KCNH5: variants seen among roughly 807,000 people sequenced by gnomAD.
The protein encoded by KCNH5 is voltage-gated delayed rectifier potassium channel KCNH5.
Under a neutral mutation model 96.1 loss-of-function variants are expected in KCNH5, and 46 were observed. The ratio of observed to expected loss-of-function variants is 0.48; its 90% CI spans 0.38 to 0.61. KCNH5 has a LOEUF of 0.61. KCNH5 is among the 20% of genes least tolerant of loss of function. The probability of loss-of-function intolerance (pLI) is 0.00; values close to 1 mark genes in which losing one functional copy is unlikely to be tolerated. For synonymous variants in KCNH5, 439 were observed against 449.8 expected (o/e 0.98, Z 0.30); for missense variants, 907 against 1,225.8 (o/e 0.74, Z 3.88).
At chr14:62,968,617 C>T (rs1264712664) in intron 6 of KCNH5, among the ~76,000 whole-genome samples, 1 of 152,176 alleles carries the variant, frequency 6.6e-6, no homozygotes, top group Non-Finnish European at 1.5e-5. Flanking sequence ...TAGAGCACAG[C>T]TAAGATTATG....
At chr14:62,786,491 T>C (rs557410519) in intron 9 of KCNH5, among the ~76,000 whole-genome samples, 1 of 152,198 alleles carries the variant, frequency 6.6e-6, no homozygotes, top group African/African-American at 2.4e-5. Flanking sequence ...GTGAAGCAAA[T>C]TAACATGTCT....
chr14:62,863,947 T>C (rs540293215), intron 7 of KCNH5, among the ~76,000 whole-genome samples: 1 of 152,304 alleles, frequency 6.6e-6, no homozygotes, highest in East Asian at 1.9e-4. Context: ...TTACCTCTTA[T>C]ACTCATGGCC....
At chr14:63,040,819 A>G (rs1891809644) in intron 1 of KCNH5, among the ~76,000 whole-genome samples, 1 of 152,064 alleles carries the variant, frequency 6.6e-6, no homozygotes, top group Non-Finnish European at 1.5e-5. Context: ...GAGATAGCTG[A>G]GTAAAAAAAG....
At chr14:62,882,977 T>G (rs572541075) in intron 7 of KCNH5, among the ~76,000 whole-genome samples, 1 of 152,364 alleles carries the variant, frequency 6.6e-6, no homozygotes, top group East Asian at 1.9e-4. Context: ...TCTGAAAGTT[T>G]TATCAATAGC....
At chr14:62,865,333 T>TAAAAAAAA (rs35939292) in intron 7 of KCNH5, among the ~76,000 whole-genome samples, 1 of 132,052 alleles carries the variant, frequency 7.6e-6, no homozygotes. Flanking sequence ...AAATGCTATT[T>TAAAAAAAA]AAAAAAAAAA....
chr14:62,944,325 T>C (rs948214449), intron 7 of KCNH5, among the ~76,000 whole-genome samples: 1 of 152,186 alleles, frequency 6.6e-6, no homozygotes, highest in African/African-American at 2.4e-5. Flanking sequence ...ATATAGGCAG[T>C]TGGTGTCTCC....
intron 10 of KCNH5, among the ~76,000 whole-genome samples, chr14:62,747,249 C>T (rs1025191789): frequency 1.1e-4 from 17 of 151,988 alleles, no homozygotes; most frequent in Admixed American, 8.5e-4. Flanking sequence ...GCAGAAGAAT[C>T]GCTTGAATTC....
chr14:62,746,912 T>C (rs1885387910), intron 10 of KCNH5, among the ~76,000 whole-genome samples: 2 of 152,212 alleles, frequency 1.3e-5, no homozygotes, highest in African/African-American at 4.8e-5. Context: ...TTGAAGCAAA[T>C]AGTGTTTTTA....
chr14:62,837,653 C>T (rs1483053817), intron 8 of KCNH5, among the ~76,000 whole-genome samples: 2 of 152,114 alleles, frequency 1.3e-5, no homozygotes, highest in African/African-American at 2.4e-5. Flanking sequence ...GTTTTGTTTG[C>T]TTCCCTGTTA....
intron 6 of KCNH5, among the ~76,000 whole-genome samples, chr14:62,961,172 T>A (rs955075314): frequency 6.6e-6 from 1 of 152,154 alleles, no homozygotes; most frequent in Non-Finnish European, 1.5e-5. Flanking sequence ...CAATAATTTC[T>A]TGCTGCCTTT....
At chr14:62,980,624 T>C (rs960280801) in intron 6 of KCNH5, among the ~76,000 whole-genome samples, 2 of 152,226 alleles carry the variant, frequency 1.3e-5, no homozygotes, top group African/African-American at 4.8e-5. Context: ...GCCGCTTTTC[T>C]TCTCCTCCAC....
At chr14:62,776,612 C>T (rs537721010) in intron 10 of KCNH5, among the ~76,000 whole-genome samples, 1 of 152,228 alleles carries the variant, frequency 6.6e-6, no homozygotes, top group East Asian at 1.9e-4. Flanking sequence ...TGAGATTGGC[C>T]CACAAATCCA....
At chr14:62,841,929 G>A (rs578248629) in intron 8 of KCNH5, among the ~76,000 whole-genome samples, 4 of 152,324 alleles carry the variant, frequency 2.6e-5, no homozygotes, top group South Asian at 2.1e-4. Flanking sequence ...CTCATTTCTG[G>A]ACTGTGGCTA....
intron 10 of KCNH5, among the ~76,000 whole-genome samples, chr14:62,766,468 T>G (rs1350806364): frequency 6.6e-6 from 1 of 152,252 alleles, no homozygotes; most frequent in East Asian, 1.9e-4. Flanking sequence ...AAACGTGGTA[T>G]GTATGCACAC....
intron 7 of KCNH5, among the ~76,000 whole-genome samples, chr14:62,862,499 T>A (rs1214808631): frequency 6.6e-6 from 1 of 152,222 alleles, no homozygotes; most frequent in African/African-American, 2.4e-5. Context: ...TGCAAATCCC[T>A]TCGTGGTAAG....
chr14:62,883,150 T>C (rs147608672), intron 7 of KCNH5, among the ~76,000 whole-genome samples: 1 of 152,340 alleles, frequency 6.6e-6, no homozygotes, highest in East Asian at 1.9e-4. Context: ...AGCAGATGCC[T>C]GCTTTCTGAG....
chr14:63,004,581 T>C (rs1222067230), intron 3 of KCNH5, among the ~76,000 whole-genome samples: 2 of 152,192 alleles, frequency 1.3e-5, no homozygotes, highest in Non-Finnish European at 2.9e-5. Context: ...TTAAAGTAAA[T>C]AAACAGAAAT....
intron 8 of KCNH5, among the ~76,000 whole-genome samples, chr14:62,833,206 C>T (rs1489395038): frequency 6.6e-6 from 1 of 151,816 alleles, no homozygotes; most frequent in Non-Finnish European, 1.5e-5. Context: ...GTGTCACATT[C>T]AAGAATCATT....
intron 7 of KCNH5, among the ~76,000 whole-genome samples, chr14:62,853,460 T>TATATATATATATATATATATATATATATA (rs1468892675): frequency 1.1e-5 from 1 of 89,574 alleles, no homozygotes. Flanking sequence ...AATAATCATA[T>TATATATATATATATATATATATATATATA]ATATATATAT....
Sources: gnomAD v4.1 joint callset for allele counts (sites outside exome capture counted in the v4.1 genomes callset) on GRCh38, gnomAD v4.1.1 for gene constraint, MANE v1.5 for transcripts, NCBI Gene and HGNC (gene_info 2026-07-23, HGNC 2026-07-21) for gene names.